Variants in CEP72 observed in about 807,000 individuals in gnomAD.
CEP72 encodes centrosomal protein 72.
Under a neutral mutation model 65.7 loss-of-function variants are expected in CEP72, and 78 were observed. The ratio of observed to expected loss-of-function variants is 1.19; its 90% CI spans 0.99 to 1.43. The LOEUF is 1.43. CEP72 is among the 40% of genes most tolerant of loss of function. The pLI is 0.00. For synonymous variants in CEP72, 358 were observed against 351.7 expected (o/e 1.02, Z -0.20); for missense variants, 914 against 832.9 (o/e 1.10, Z -1.20).
chr5:647,590 G>A (rs1738506186), intron 10 of CEP72, among the ~76,000 whole-genome samples: 1 of 152,226 alleles, frequency 6.6e-6, no homozygotes, highest in African/African-American at 2.4e-5. Context: ...CCACACAGCT[G>A]CAGCCTGGGG....
At chr5:651,579 C>T (rs978300122) in intron 11 of CEP72, among the ~76,000 whole-genome samples, 1 of 151,932 alleles carries the variant, frequency 6.6e-6, no homozygotes, top group Non-Finnish European at 1.5e-5. Context: ...TACTCCCTGG[C>T]TATAGGGGGA....
At chr5:639,971 T>A (rs1052436841) in intron 8 of CEP72, among the ~76,000 whole-genome samples, 2 of 152,142 alleles carry the variant, frequency 1.3e-5, no homozygotes, top group African/African-American at 2.4e-5. Flanking sequence ...AAACCTCCCC[T>A]CTCCCTAGGC....
intron 4 of CEP72, chr5:666,157 G>A (rs201160165): frequency 5.1e-5 from 78 of 1,540,920 alleles, no homozygotes; most frequent in Non-Finnish European, 6.3e-5. Context: ...GGCTGGGCGC[G>A]GGCCGGCCCA....
chr5:666,446 C>T (rs566620477), intron 4 of CEP72, among the ~76,000 whole-genome samples: 5 of 152,344 alleles, frequency 3.3e-5, no homozygotes, highest in South Asian at 2.1e-4. Context: ...ACCACAGCCC[C>T]GCCCAGCTGC....
intron 9 of CEP72, chr5:643,328 C>A: frequency 1.0e-6 from 1 of 985,462 alleles, no homozygotes; most frequent in Non-Finnish European, 1.2e-6. Flanking sequence ...CAAAGCCCCG[C>A]GCGGAGGGCA....
chr5:638,943 C>T (rs1463171925), intron 7 of CEP72, 146 bp from the exon 8 acceptor site: 6 of 1,003,376 alleles, frequency 6.0e-6, no homozygotes, highest in Non-Finnish European at 9.0e-6. Context: ...GCTGAGCCGC[C>T]CTCCACCTGG....
chr5:658,645 A>ATTTTTTTTTTTTTTTTTTT (rs70955278), downstream of CEP72, among the ~76,000 whole-genome samples: 5 of 55,946 alleles, frequency 8.9e-5, 1 homozygote, highest in Non-Finnish European at 1.7e-4. Context: ...AGCAAAGCTG[A>ATTTTTTTTTTTTTTTTTTT]TTTTTTTTTT....
downstream of CEP72, among the ~76,000 whole-genome samples, chr5:657,304 G>A (rs1056574904): frequency 5.9e-5 from 9 of 152,146 alleles, no homozygotes; most frequent in Non-Finnish European, 1.2e-4. Flanking sequence ...CATCTGGTGC[G>A]TCCTGAGCAC....
At chr5:675,649 G>A in the CEP72 span, among the ~76,000 whole-genome samples, 28 of 151,984 alleles carry the variant, frequency 1.8e-4, no homozygotes, top group East Asian at 4.4e-3. Flanking sequence ...GCTGTTGGAC[G>A]GACCCTCGAG....
chr5:642,297 AAC>A (rs1356483871), intron 9 of CEP72: 10 of 983,896 alleles, frequency 1.0e-5, no homozygotes, highest in Non-Finnish European at 1.2e-5. Flanking sequence ...TCTGTATTTA[AAC>A]ACACATGGCC....
intron 3 of CEP72, among the ~76,000 whole-genome samples, chr5:620,603 A>G (rs1422818504): frequency 2.0e-5 from 3 of 152,186 alleles, no homozygotes; most frequent in Non-Finnish European, 2.9e-5. Flanking sequence ...GTTTCCTCGC[A>G]TAGCCCCCAG....
At chr5:628,573 G>C (rs36169435) in intron 4 of CEP72, among the ~76,000 whole-genome samples, 1,211 of 104,546 alleles carry the variant, frequency 0.012, 1 homozygote, top group South Asian at 0.044. Flanking sequence ...AGTGTTCCCA[G>C]GACCCAGCCC....
At chr5:612,683 G>A in intron 1 of CEP72, 1 of 889,074 alleles carries the variant, frequency 1.1e-6, no homozygotes, top group Non-Finnish European at 1.3e-6. Context: ...CTGTCTATCG[G>A]GTCACTGGTT....
In CEP72 at chr5:635,476, G is replaced by T. The variant is rs1004499134; in HGVS notation, c.796G>T (p.Glu266Ter). 1 of 1,614,128 alleles carries T rather than the reference G, an allele frequency of 6.2e-7. No individual in the cohort carries two copies. The highest frequency in any genetic ancestry group is 8.5e-7 in the Non-Finnish European group (1 of 1,180,006). Residue 266 changes from glutamate (E) to a stop codon, truncating the protein, a stop_gained, in exon 6 of 12, where the codon GAG (glutamate) becomes TAG (stop). Transcript: ENST00000264935. LOFTEE classifies it high-confidence loss of function. ...RRSSCRGCCL[E>*]KMPWSQLCGE... ...GAGCAGCTGCAGAGGGTGCTGTCTG[G>T]AGAAGATGCCTTGGAGCCAGCTCTG...
chr5:674,382 G>A, the CEP72 span, among the ~76,000 whole-genome samples: 9 of 152,292 alleles, frequency 5.9e-5, no homozygotes, highest in South Asian at 1.7e-3. Context: ...CCAAGGGGAG[G>A]AGCTGCCCTG....
At chr5:658,645 A>ATTTTTTTTTTTTTTTTT (rs70955278), downstream of CEP72, among the ~76,000 whole-genome samples, 1 of 55,984 alleles carries the variant, frequency 1.8e-5, no homozygotes, top group Non-Finnish European at 3.4e-5. Flanking sequence ...AGCAAAGCTG[A>ATTTTTTTTTTTTTTTTT]TTTTTTTTTT....
chr5:658,874 T>C (rs751250793), downstream of CEP72, among the ~76,000 whole-genome samples: 6 of 152,126 alleles, frequency 3.9e-5, no homozygotes, highest in Admixed American at 6.5e-5. Context: ...TTCACTGTGT[T>C]AGCCAGGATG....
chr5:644,482 GGTAGAC>G, intron 10 of CEP72, 57 bp downstream of exon 10: 2 of 1,582,638 alleles, frequency 1.3e-6, no homozygotes, highest in South Asian at 2.3e-5. Flanking sequence ...AATGTGCCTA[GGTAGAC>G]TTTGTTTTAA....
In CEP72 at chr5:638,996, T is replaced by C. The variant is rs1737814050; in HGVS notation, c.1207-93T>C. On this transcript the variant is annotated intron_variant, in intron 7 of 11. Coordinates refer to ENST00000264935, the MANE Select transcript of CEP72 (RefSeq NM_018140.4). ...AGGGCACCTGTCCTCCCCTTCGTGG[T>C]GCGAGGGCATCCCAGGGTGCGCTTG... The C allele has an allele frequency of 2.6e-6, 4 of 1,522,836 alleles. No homozygotes were observed. In the Admixed American group the frequency reaches 6.8e-5, roughly 26 times the overall value. The allele number at this position is 1,522,836 out of a possible 1,614,324, so 94.3% of individuals were successfully genotyped here. A position where few individuals can be genotyped will look rare whatever the true frequency, so the allele number is the denominator to read the frequency against.
Sources: gnomAD v4.1 joint callset for allele counts (sites outside exome capture counted in the v4.1 genomes callset) on GRCh38, gnomAD v4.1.1 for gene constraint, MANE v1.5 for transcripts, NCBI Gene and HGNC (gene_info 2026-07-23, HGNC 2026-07-21) for gene names.